Variants in EYA1 observed in about 807,000 individuals in gnomAD.
The protein encoded by EYA1 is EYA transcriptional coactivator and phosphatase 1.
Under a neutral mutation model 82.0 loss-of-function variants are expected in EYA1, and 16 were observed. The ratio of observed to expected loss-of-function variants is 0.20; its 90% CI spans 0.13 to 0.30. The LOEUF (loss-of-function observed/expected upper bound fraction) is 0.30, where lower values mean the gene tolerates loss of function less well. EYA1 is among the 10% of genes least tolerant of loss of function. The pLI, the probability that EYA1 is intolerant of heterozygous loss-of-function variation, is 1.00. For synonymous variants in EYA1, 261 were observed against 264.4 expected, an observed-to-expected ratio of 0.99 and a Z score of 0.12; for missense variants, 633 against 730.7, an observed-to-expected ratio of 0.87 and a Z score of 1.54.
chr8:71,209,445 C>A (rs1318966970), intron 17 of EYA1, among the ~76,000 whole-genome samples: 1 of 152,142 alleles, frequency 6.6e-6, no homozygotes, highest in East Asian at 1.9e-4. Context: ...TGGGTTTCTA[C>A]CAGCACCAAC....
At chr8:71,533,647 A>T (rs560763166) in intron 2 of EYA1, among the ~76,000 whole-genome samples, 1 of 152,270 alleles carries the variant, frequency 6.6e-6, no homozygotes. Context: ...TCCTCTTCCC[A>T]TCTTGAGCCT....
At chr8:71,409,056 A>C (rs1830440934) in intron 2 of EYA1, among the ~76,000 whole-genome samples, 1 of 119,144 alleles carries the variant, frequency 8.4e-6, no homozygotes, top group South Asian at 3.0e-4. Flanking sequence ...ACTAGAACTC[A>C]GGATTAAGAA....
At chr8:71,309,988 C>T (rs562283748) in intron 7 of EYA1, among the ~76,000 whole-genome samples, 2 of 152,194 alleles carry the variant, frequency 1.3e-5, no homozygotes, top group Non-Finnish European at 2.9e-5. Flanking sequence ...AGCAGGGTTT[C>T]CAGGGCCCTC....
intron 7 of EYA1, among the ~76,000 whole-genome samples, chr8:71,311,676 A>G (rs547249507): frequency 2.0e-5 from 3 of 152,372 alleles, no homozygotes; most frequent in African/African-American, 7.2e-5. Flanking sequence ...GTTGAACTCT[A>G]CAGTTGTTTA....
At chr8:71,335,408 T>C (rs925969643) in intron 3 of EYA1, among the ~76,000 whole-genome samples, 18 of 152,144 alleles carry the variant, frequency 1.2e-4, no homozygotes, top group African/African-American at 4.1e-4. Context: ...AAAATAAGCA[T>C]TATAAATAGA....
chr8:71,438,354 TATATA>T (rs570675061), intron 2 of EYA1, among the ~76,000 whole-genome samples: 62 of 151,174 alleles, frequency 4.1e-4, no homozygotes, highest in Middle Eastern at 6.9e-3. Flanking sequence ...TTAATTAATG[TATATA>T]ATATATTTAT....
chr8:71,501,582 A>T (rs1469673078), intron 2 of EYA1, among the ~76,000 whole-genome samples: 1 of 152,220 alleles, frequency 6.6e-6, no homozygotes, highest in African/African-American at 2.4e-5. Flanking sequence ...ACATCTACAT[A>T]AAGAAAAGCA....
intron 9 of EYA1, among the ~76,000 whole-genome samples, chr8:71,289,455 T>C (rs895306722): frequency 3.9e-5 from 6 of 152,210 alleles, no homozygotes; most frequent in Non-Finnish European, 8.8e-5. Context: ...TAATATATGC[T>C]TTTGCTGAGT....
At chr8:71,347,237 A>C (rs1825826802) in intron 3 of EYA1, among the ~76,000 whole-genome samples, 1 of 152,234 alleles carries the variant, frequency 6.6e-6, no homozygotes, top group Non-Finnish European at 1.5e-5. Context: ...TCTGCAACAC[A>C]GTAACACATT....
intron 3 of EYA1, among the ~76,000 whole-genome samples, chr8:71,345,459 G>A (rs1825593305): frequency 6.6e-6 from 1 of 152,190 alleles, no homozygotes; most frequent in African/African-American, 2.4e-5. Context: ...ACTAGTAAGT[G>A]GCAGAGCTTC....
At chr8:71,335,595 G>A (rs1229593323) in intron 3 of EYA1, among the ~76,000 whole-genome samples, 2 of 152,074 alleles carry the variant, frequency 1.3e-5, no homozygotes, top group Non-Finnish European at 1.5e-5. Flanking sequence ...CAGTTGTTTT[G>A]GGTTTAGAAG....
intron 2 of EYA1, among the ~76,000 whole-genome samples, chr8:71,523,209 C>T (rs1316630205): frequency 2.6e-5 from 3 of 114,960 alleles, no homozygotes; most frequent in Admixed American, 1.3e-4. Flanking sequence ...GACGGAGTCT[C>T]GCTTTGTCAT....
chr8:71,475,610 T>C (rs955323669), intron 2 of EYA1, among the ~76,000 whole-genome samples: 2 of 152,170 alleles, frequency 1.3e-5, no homozygotes, highest in African/African-American at 4.8e-5. Context: ...GGACTCAAAA[T>C]AGGCAAAACA....
chr8:71,274,912 G>A (rs1281106567), intron 9 of EYA1, among the ~76,000 whole-genome samples: 1 of 152,068 alleles, frequency 6.6e-6, no homozygotes, highest in South Asian at 2.1e-4. Flanking sequence ...GTGAGCGAGC[G>A]AGAGAGAGAG....
chr8:71,331,245 T>TAC lies in EYA1; in HGVS notation c.202+2850_202+2851dup, dbSNP rs147776263. ...CTCTGTCTCTAAATAAATAAATAAA[T>TAC]ACACACACACACACACACACACACA... On this transcript the variant is annotated intron_variant, in intron 4 of 17. Transcript: ENST00000340726. Among the ~76,000 whole-genome samples, 1,098 of 136,530 alleles carry TAC rather than the reference T, an allele frequency of 8.0e-3. 16 individuals carry two copies. Among genetic ancestry groups the TAC allele is most frequent in the African/African-American group, 0.02 (729 of 35,830 alleles). The allele number at this position is 136,530 out of a possible 152,430, so 89.6% of individuals were successfully genotyped here.
chr8:71,394,890 C>G (rs1829497936), intron 2 of EYA1, among the ~76,000 whole-genome samples: 1 of 152,068 alleles, frequency 6.6e-6, no homozygotes, highest in Non-Finnish European at 1.5e-5. Context: ...GGCAGTATGG[C>G]CATTTTCACG....
intron 2 of EYA1, among the ~76,000 whole-genome samples, chr8:71,450,214 A>G (rs1807244375): frequency 6.6e-6 from 1 of 152,230 alleles, no homozygotes; most frequent in South Asian, 2.1e-4. Flanking sequence ...ACCATTTGGC[A>G]CAAGAGGCCT....
chr8:71,316,832 A>G (rs994221630), intron 7 of EYA1, among the ~76,000 whole-genome samples: 4 of 152,228 alleles, frequency 2.6e-5, no homozygotes, highest in Non-Finnish European at 5.9e-5. Context: ...ATTATGTGAG[A>G]ACTATTCTCA....
At chr8:71,286,559 G>T (rs961162110) in intron 9 of EYA1, among the ~76,000 whole-genome samples, 1 of 152,254 alleles carries the variant, frequency 6.6e-6, no homozygotes, top group South Asian at 2.1e-4. Flanking sequence ...TTGGTTGAGT[G>T]GGGGGAAACT....
Sources: gnomAD v4.1 joint callset for allele counts (sites outside exome capture counted in the v4.1 genomes callset) on GRCh38, gnomAD v4.1.1 for gene constraint, MANE v1.5 for transcripts, NCBI Gene and HGNC (gene_info 2026-07-23, HGNC 2026-07-21) for gene names.